Variants in PPIG observed in about 807,000 individuals in gnomAD.
PPIG encodes peptidylprolyl isomerase G.
Under a neutral mutation model 87.9 loss-of-function variants are expected in PPIG, and 26 were observed. That is an observed-to-expected ratio of 0.30 (90% CI 0.22 to 0.41). PPIG has a LOEUF of 0.41. Ranked by LOEUF, PPIG falls within the 10% of genes least tolerant of loss-of-function variation. PPIG has a pLI of 1.00. For missense variants in PPIG, 722 were observed against 879.4 expected, an observed-to-expected ratio of 0.82 and a Z score of 2.26; for synonymous variants, 308 against 276.5, an observed-to-expected ratio of 1.11 and a Z score of -1.13.
chr2:169,614,122 A>C (rs945873341), intron 7 of PPIG, among the ~76,000 whole-genome samples: 2 of 152,266 alleles, frequency 1.3e-5, no homozygotes, highest in African/African-American at 4.8e-5. Context: ...GTCTACATGT[A>C]GAACATTATA....
At chr2:169,628,359 T>C (rs1353488261) in intron 9 of PPIG, among the ~76,000 whole-genome samples, 4 of 152,230 alleles carry the variant, frequency 2.6e-5, no homozygotes, top group African/African-American at 9.6e-5. Context: ...TCAGCTTTTA[T>C]ACCTTGTTCC....
chr2:169,633,104 C>A, intron 11 of PPIG, 56 bp from the exon 12 acceptor site: 1 of 1,303,634 alleles, frequency 7.7e-7, no homozygotes, highest in Non-Finnish European at 1.1e-6. Flanking sequence ...AGTAACATGT[C>A]TGGCCAACAA....
chr2:169,612,766 T>C (rs1340230586), intron 7 of PPIG, among the ~76,000 whole-genome samples: 1 of 152,256 alleles, frequency 6.6e-6, no homozygotes, highest in Non-Finnish European at 1.5e-5. Context: ...GACATTTGAC[T>C]TGTTTTCACA....
intron 1 of PPIG, among the ~76,000 whole-genome samples, chr2:169,597,021 A>G (rs1476568454): frequency 1.5e-5 from 2 of 135,896 alleles, no homozygotes; most frequent in African/African-American, 5.1e-5. Flanking sequence ...TTTATCTGGT[A>G]ATCTGTTGAT....
chr2:169,627,564 T>C (rs1284205734), intron 9 of PPIG, among the ~76,000 whole-genome samples: 1 of 152,188 alleles, frequency 6.6e-6, no homozygotes, highest in Non-Finnish European at 1.5e-5. Flanking sequence ...TCTCACTCTG[T>C]TCCCCAGGCT....
In PPIG at chr2:169,606,156, G is replaced by T. The variant is rs1685318317; in HGVS notation, c.244+10G>T. ...GGTGACTTCAGTGAAGGTGAGACTT[G>T]GAAAAATCATGTATTATTTTCTGTT... On this transcript the variant is annotated intron_variant, in intron 5 of 13. Coordinates refer to ENST00000260970, the MANE Select transcript of PPIG (RefSeq NM_004792.3). The T allele has an allele frequency of 6.5e-7, 1 of 1,549,266 alleles. No individual in the cohort carries two copies. Among genetic ancestry groups the T allele is most frequent in the African/African-American group, 1.4e-5 (1 of 73,362 alleles).
chr2:169,615,648 A>G (rs1035450043), intron 9 of PPIG, among the ~76,000 whole-genome samples: 3 of 152,188 alleles, frequency 2.0e-5, no homozygotes, highest in Non-Finnish European at 4.4e-5. Context: ...GACAGGCTGA[A>G]TAGTATTCCA....
chr2:169,600,589 G>A (rs1685152541), intron 1 of PPIG, among the ~76,000 whole-genome samples: 1 of 151,918 alleles, frequency 6.6e-6, no homozygotes, highest in Non-Finnish European at 1.5e-5. Flanking sequence ...TCAGATTTGG[G>A]GTTTTCAGAT....
chr2:169,594,144 C>G (rs1574436504), intron 1 of PPIG, among the ~76,000 whole-genome samples: 1 of 151,848 alleles, frequency 6.6e-6, no homozygotes, highest in South Asian at 2.1e-4. Context: ...TAGAGTAGTT[C>G]CTCATAATAG....
At chr2:169,589,213 T>C (rs1574432142) in intron 1 of PPIG, among the ~76,000 whole-genome samples, 1 of 152,334 alleles carries the variant, frequency 6.6e-6, no homozygotes, top group Middle Eastern at 3.4e-3. Context: ...TATACTCTGC[T>C]AATCATGTTG....
intron 6 of PPIG, 107 bp downstream of exon 6, chr2:169,607,255 A>G (rs183001813): frequency 1.0e-5 from 7 of 681,116 alleles, no homozygotes; most frequent in East Asian, 3.1e-5. Flanking sequence ...ACTAATGTCT[A>G]GCTGCCTTCA....
chr2:169,612,476 C>T (rs904142454), intron 7 of PPIG, among the ~76,000 whole-genome samples: 2 of 150,612 alleles, frequency 1.3e-5, no homozygotes, highest in African/African-American at 2.4e-5. Flanking sequence ...CTCCACCTCC[C>T]GGGTTCACGC....
chr2:169,636,073 CT>C lies in PPIG; in HGVS notation c.1018-18del. On this transcript the variant is annotated intron_variant, in intron 12 of 13. Coordinates refer to ENST00000260970, the MANE Select transcript of PPIG (RefSeq NM_004792.3). Reference sequence around the variant, plus strand: ...TATACTTCTATACATTAATTTTTCCCTATTTTAATTTTCTTTAGCGTTATCG... The same window carrying C: ...TATACTTCTATACATTAATTTTTCCCATTTTAATTTTCTTTAGCGTTATCG... 2 of 1,574,038 alleles carry C rather than the reference CT, an allele frequency of 1.3e-6. No individual in the cohort carries two copies. The highest frequency in any genetic ancestry group is 1.7e-6 in the Non-Finnish European group (2 of 1,157,988).
chr2:169,638,795 G>A lies in PPIG; in HGVS notation c.*1272G>A, dbSNP rs996632049. Reference sequence around the variant, plus strand: ...TTGGGTGTTGTATTTTGCCATTTTTGTGATGTGTGGCCTTTTATTCTGTAA... The same window carrying A: ...TTGGGTGTTGTATTTTGCCATTTTTATGATGTGTGGCCTTTTATTCTGTAA... On this transcript the variant is annotated 3_prime_UTR_variant, in exon 14 of 14. Transcript: ENST00000260970. The A allele has an allele frequency of 5.3e-5, 8 of 152,028 alleles. No individual in the cohort carries two copies. In the East Asian group the frequency reaches 1.2e-3, roughly 22 times the overall value. 9.4% of individuals were successfully genotyped at this position (152,028 alleles called of 1,614,324 possible). A position where few individuals can be genotyped will look rare whatever the true frequency, so the allele number is the denominator to read the frequency against.
chr2:169,606,378 G>C (rs1429531032), intron 5 of PPIG, among the ~76,000 whole-genome samples: 1 of 152,000 alleles, frequency 6.6e-6, no homozygotes, highest in East Asian at 1.9e-4. Flanking sequence ...CGGATCACGA[G>C]GTCAGTAGTT....
At chr2:169,606,962 A>C (rs1047852661) in intron 5 of PPIG, 142 bp from the exon 6 acceptor site, 2 of 641,564 alleles carry the variant, frequency 3.1e-6, no homozygotes, top group African/African-American at 3.7e-5. Flanking sequence ...TATTGACATT[A>C]ATATCTTTTA....
chr2:169,589,077 A>G (rs1029944151), intron 1 of PPIG, among the ~76,000 whole-genome samples: 1 of 151,754 alleles, frequency 6.6e-6, no homozygotes, highest in Admixed American at 6.6e-5. Flanking sequence ...AAGATGTATT[A>G]TATTTTTATG....
rs1686174288 is a variant in PPIG at position 169,636,078 on chromosome 2, T to G, written c.1018-14T>G. On this transcript the variant is annotated splice_polypyrimidine_tract_variant and intron_variant, in intron 12 of 13. Transcript: ENST00000260970. ...TTCTATACATTAATTTTTCCCTATT[T>G]TAATTTTCTTTAGCGTTATCGAACT... The G allele has an allele frequency of 1.3e-6, 2 of 1,580,072 alleles. No individual in the cohort carries two copies. Among genetic ancestry groups the G allele is most frequent in the East Asian group, 2.2e-5 (1 of 44,510 alleles).
chr2:169,589,677 T>G (rs1037766707), intron 1 of PPIG, among the ~76,000 whole-genome samples: 2 of 152,168 alleles, frequency 1.3e-5, no homozygotes, highest in Non-Finnish European at 2.9e-5. Context: ...GTTGTTTTTT[T>G]GGGAAACAAA....
Sources: allele counts gnomAD v4.1 joint callset (sites outside exome capture counted in the v4.1 genomes callset), GRCh38; gene constraint gnomAD v4.1.1; transcripts MANE v1.5; gene names NCBI Gene and HGNC (gene_info 2026-07-23, HGNC 2026-07-21).